The following FANCB variants were observed in gnomAD, a reference collection of about 807,000 sequenced individuals.
FANCB encodes the protein Fanconi anemia group B protein.
FANCB carries 5 observed loss-of-function variants against 38.9 expected under a neutral mutation model. The ratio of observed to expected loss-of-function variants is 0.13; its 90% CI spans 0.07 to 0.27. The LOEUF is 0.27. Ranked by LOEUF, FANCB falls within the 10% of genes least tolerant of loss-of-function variation. The pLI is 1.00. For missense variants in FANCB, 573 were observed against 602.7 expected, an observed-to-expected ratio of 0.95 and a Z score of 0.52; for synonymous variants, 236 against 215.4, an observed-to-expected ratio of 1.10 and a Z score of -0.84.
chrX:14,771,535 A>T, the FANCB span, among the ~76,000 whole-genome samples: 1 of 111,371 alleles, frequency 9.0e-6, no homozygotes, highest in Non-Finnish European at 1.9e-5. Flanking sequence ...CAGCTCCTGT[A>T]CTGTTTTATC....
At chrX:14,734,435 C>G in the FANCB span, among the ~76,000 whole-genome samples, 1 of 111,993 alleles carries the variant, frequency 8.9e-6, no homozygotes, top group Non-Finnish European at 1.9e-5. Flanking sequence ...CAAAATCTCT[C>G]AGCATTTGCT....
chrX:14,864,145 T>TA (rs1435414483), intron 3 of FANCB, among the ~76,000 whole-genome samples: 8 of 109,877 alleles, frequency 7.3e-5, no homozygotes, highest in Non-Finnish European at 1.5e-4. Context: ...AAAAAAAATA[T>TA]AAAAAAATAA....
At chrX:14,810,666 T>G in the FANCB span, among the ~76,000 whole-genome samples, 2 of 111,311 alleles carry the variant, frequency 1.8e-5, no homozygotes, top group African/African-American at 6.5e-5. Flanking sequence ...TGGGACTATG[T>G]GAAAAGACCA....
intron 2 of FANCB, among the ~76,000 whole-genome samples, chrX:14,865,787 CA>C (rs2092467267): frequency 8.9e-6 from 1 of 111,747 alleles, no homozygotes; most frequent in African/African-American, 3.2e-5. Context: ...GCTAAGAATT[CA>C]AATAACCATA....
the FANCB span, among the ~76,000 whole-genome samples, chrX:14,823,324 C>T: frequency 2.7e-5 from 3 of 110,847 alleles, no homozygotes; most frequent in Non-Finnish European, 5.7e-5. Flanking sequence ...CCTCGTGATC[C>T]GCCCGCCCCG....
At chrX:14,773,739 C>T in the FANCB span, among the ~76,000 whole-genome samples, 1 of 111,884 alleles carries the variant, frequency 8.9e-6, no homozygotes, top group Non-Finnish European at 1.9e-5. Context: ...TGAGAGATAC[C>T]TGAAGCAGGA....
chrX:14,820,980 T>C, the FANCB span, among the ~76,000 whole-genome samples: 1 of 111,355 alleles, frequency 9.0e-6, no homozygotes, highest in African/African-American at 3.3e-5. Context: ...AGGAATTTCA[T>C]GAAAATGTGA....
chrX:14,870,892 C>G (rs1265876584), intron 1 of FANCB, among the ~76,000 whole-genome samples: 1 of 111,678 alleles, frequency 9.0e-6, no homozygotes, highest in Non-Finnish European at 1.9e-5. Flanking sequence ...AATTAAGACA[C>G]TCAACTAAAA....
At chrX:14,816,747 T>C in the FANCB span, among the ~76,000 whole-genome samples, 1 of 112,236 alleles carries the variant, frequency 8.9e-6, no homozygotes, top group Non-Finnish European at 1.9e-5. Context: ...TAAGTTTCCT[T>C]TGACCAGTAA....
At chrX:14,752,277 T>G in the FANCB span, among the ~76,000 whole-genome samples, 1 of 112,137 alleles carries the variant, frequency 8.9e-6, no homozygotes, top group Non-Finnish European at 1.9e-5. Flanking sequence ...TATGCTCACA[T>G]GCTTCTACAT....
chrX:14,796,474 T>G, the FANCB span, among the ~76,000 whole-genome samples: 1 of 98,119 alleles, frequency 1.0e-5, no homozygotes, highest in South Asian at 4.4e-4. Flanking sequence ...TATAATAGAT[T>G]ATATATATAA....
chrX:14,824,605 CAG>C, the FANCB span, among the ~76,000 whole-genome samples: 76 of 112,045 alleles, frequency 6.8e-4, no homozygotes, highest in African/African-American at 2.2e-3. Context: ...TGCTAAGTCA[CAG>C]AGGTTTCTAT....
chrX:14,858,603 T>C (rs2092433410), intron 4 of FANCB, among the ~76,000 whole-genome samples: 1 of 111,499 alleles, frequency 9.0e-6, no homozygotes, highest in Non-Finnish European at 1.9e-5. Context: ...GACACCCAGG[T>C]TGAAGTGCAA....
the FANCB span, among the ~76,000 whole-genome samples, chrX:14,787,262 C>T: frequency 9.0e-6 from 1 of 110,943 alleles, no homozygotes; most frequent in East Asian, 2.8e-4. Flanking sequence ...AAAAAAAGCA[C>T]ATATAAGTGA....
At chrX:14,776,059 T>A in the FANCB span, among the ~76,000 whole-genome samples, 1 of 104,054 alleles carries the variant, frequency 9.6e-6, no homozygotes, top group African/African-American at 3.6e-5. Flanking sequence ...GAAAGAAAAA[T>A]TCGTGATTTG....
At chrX:14,715,407 A>G in the FANCB span, among the ~76,000 whole-genome samples, 4 of 112,384 alleles carry the variant, frequency 3.6e-5, no homozygotes, top group African/African-American at 1.3e-4. Flanking sequence ...TACTTTATAC[A>G]TATATGCATT....
chrX:14,712,748 A>T, the FANCB span, among the ~76,000 whole-genome samples: 1 of 111,161 alleles, frequency 9.0e-6, no homozygotes, highest in African/African-American at 3.3e-5. Context: ...TCTGAGTAGA[A>T]AACCAAGTGT....
the FANCB span, among the ~76,000 whole-genome samples, chrX:14,758,306 G>A: frequency 1.8e-5 from 2 of 111,729 alleles, no homozygotes; most frequent in African/African-American, 6.5e-5. Context: ...GAAGACAAAG[G>A]ACATATTCTT....
At chrX:14,722,096 T>C in the FANCB span, among the ~76,000 whole-genome samples, 1 of 112,098 alleles carries the variant, frequency 8.9e-6, no homozygotes, top group African/African-American at 3.2e-5. Context: ...AGCTATCTAT[T>C]ACTGCATAAT....
Sources: gnomAD v4.1 joint callset for allele counts (sites outside exome capture counted in the v4.1 genomes callset) on GRCh38, gnomAD v4.1.1 for gene constraint, MANE v1.5 for transcripts, NCBI Gene and HGNC (gene_info 2026-07-23, HGNC 2026-07-21) for gene names.